SHISA5: variants seen among roughly 807,000 people sequenced by gnomAD.
The protein encoded by SHISA5 is protein shisa-5.
A neutral mutation model predicts 27.5 loss-of-function variants in SHISA5; 21 were observed. That is an observed-to-expected ratio of 0.76 (90% confidence interval 0.54 to 1.10). The LOEUF is 1.10. SHISA5 is among the 50% of genes least tolerant of loss of function. The pLI is 0.00. For synonymous variants in SHISA5, 137 were observed against 142.2 expected (o/e 0.96, Z 0.26); for missense variants, 314 against 336.3 (o/e 0.93, Z 0.52).
chr3:48,476,465 G>T (rs1247873225), intron 3 of SHISA5, among the ~76,000 whole-genome samples: 1 of 152,152 alleles, frequency 6.6e-6, no homozygotes, highest in East Asian at 1.9e-4. Flanking sequence ...CTCCTGGCCT[G>T]GGGTCTTTCC....
chr3:48,478,263 C>T (rs986945926), intron 3 of SHISA5, among the ~76,000 whole-genome samples: 2 of 152,198 alleles, frequency 1.3e-5, no homozygotes, highest in Non-Finnish European at 2.9e-5. Flanking sequence ...TTCTTCCCCT[C>T]CTCCACGCAC....
intron 3 of SHISA5, among the ~76,000 whole-genome samples, chr3:48,475,413 G>T (rs961116797): frequency 1.3e-5 from 2 of 152,150 alleles, no homozygotes; most frequent in African/African-American, 4.8e-5. Context: ...GTTTGGGCAG[G>T]ATTGTAGGGT....
chr3:48,471,914 A>C (rs190474605), intron 3 of SHISA5, among the ~76,000 whole-genome samples: 213 of 152,128 alleles, frequency 1.4e-3, no homozygotes, highest in Non-Finnish European at 2.3e-3. Context: ...AAAATAAAAA[A>C]CTGGCCAGGC....
intron 2 of SHISA5, among the ~76,000 whole-genome samples, chr3:48,489,310 C>T (rs2041349193): frequency 6.6e-6 from 1 of 151,122 alleles, no homozygotes; most frequent in South Asian, 2.1e-4. Flanking sequence ...GACACCCCTG[C>T]TACAGCTATT....
At position 48,469,158 on chromosome 3, in the gene SHISA5, G is replaced by T. The variant is rs1414010753; in HGVS notation, c.672C>A (p.Ser224Arg). The T allele has an allele frequency of 3.7e-6, 6 of 1,612,814 alleles. No homozygotes were observed. The East Asian group carries it at 1.1e-4, about 30-fold the overall frequency. ...TGTAGGCCGGGTTGTAAGGAGGCTG[G>T]CTGGCGGGGTAGGGCGCGGCTGCTC... is the stretch of plus-strand genomic sequence containing the variant. ...AGGAAAPYPA[S>R]QPPYNPAYMD... The change falls in exon 6 of 6, where the codon AGC (serine) becomes AGA (arginine). Residue 224 changes from serine to arginine, a missense_variant. Coordinates refer to ENST00000296444, the MANE Select transcript of SHISA5 (RefSeq NM_016479.6). This position sits in a 1 kb window ranked among gnomAD's most constrained non-coding sequence, Gnocchi z 4.6.
chr3:48,468,817 G>GC lies in SHISA5; in HGVS notation c.*289dup. On this transcript the variant is annotated 3_prime_UTR_variant, in exon 6 of 6. Transcript: ENST00000296444. Reference sequence around the variant, plus strand: ...CCTCTCAGGGGCCACCTCACAGGGTGCCCCCCACCACCCCATTCTTTGAGT... The same window carrying GC: ...CCTCTCAGGGGCCACCTCACAGGGTGCCCCCCCACCACCCCATTCTTTGAGT... 6.8e-7 allele frequency: 1 copy of GC among 1,467,368 alleles called. No homozygotes were observed. The allele number at this position is 1,467,368 out of a possible 1,614,324, so 90.9% of individuals were successfully genotyped here. A position where few individuals can be genotyped will look rare whatever the true frequency, so the allele number is the denominator to read the frequency against.
intron 2 of SHISA5, among the ~76,000 whole-genome samples, chr3:48,480,183 G>A (rs1027600682): frequency 2.0e-5 from 3 of 151,882 alleles, no homozygotes; most frequent in Non-Finnish European, 4.4e-5. Context: ...GATTACAGGC[G>A]TGAGCCACCA....
rs761621407 is a variant in SHISA5 at position 48,469,162 on chromosome 3, G to A, written c.668C>T (p.Ala223Val). ...GGCCGGGTTGTAAGGAGGCTGGCTGGCGGGGTAGGGCGCGGCTGCTCCTCC... is the reference window on the plus strand; with the variant it reads ...GGCCGGGTTGTAAGGAGGCTGGCTGACGGGGTAGGGCGCGGCTGCTCCTCC... ...LAGGAAAPYP[A>V]SQPPYNPAYM... Residue 223 changes from alanine to valine, a missense_variant, in exon 6 of 6, where the codon GCC becomes GTC. By Grantham distance (64) the Ala-to-Val change is moderately conservative. Coordinates refer to ENST00000296444, the MANE Select transcript of SHISA5 (RefSeq NM_016479.6). The surrounding 1 kb of genome is among the most constrained non-coding windows in gnomAD (Gnocchi z 4.6). The A allele has an allele frequency of 1.9e-6, 3 of 1,612,740 alleles. No homozygotes were observed. The highest frequency in any genetic ancestry group is 2.5e-6 in the Non-Finnish European group (3 of 1,179,988).
chr3:48,489,535 G>T (rs6650898), intron 2 of SHISA5, among the ~76,000 whole-genome samples: 40 of 151,546 alleles, frequency 2.6e-4, no homozygotes, highest in African/African-American at 8.7e-4. Flanking sequence ...TGTTAGCCAG[G>T]ATGGTCTCGA....
rs1221774608 is a variant in SHISA5, at chr3:48,494,872, CT to C, written c.233+6264del. On this transcript the variant is annotated intron_variant, in intron 2 of 5. Coordinates refer to ENST00000296444, the MANE Select transcript of SHISA5 (RefSeq NM_016479.6). ...TTTTTTCCATGACAATGATTTATAT[CT>C]GGTCTAGCATGTTGTATACATGAAA... Among the ~76,000 whole-genome samples the C allele has an allele frequency of 2.0e-5, 3 of 147,382 alleles. 1 individual carries two copies. Among genetic ancestry groups the C allele is most frequent in the Non-Finnish European group, 4.4e-5 (3 of 67,886 alleles).
At chr3:48,498,336 T>C (rs2041621527) in intron 2 of SHISA5, among the ~76,000 whole-genome samples, 1 of 152,104 alleles carries the variant, frequency 6.6e-6, no homozygotes, top group African/African-American at 2.4e-5. Flanking sequence ...CTACTCAACA[T>C]TGTAACTGAG....
At chr3:48,483,425 G>C (rs924565253) in intron 2 of SHISA5, among the ~76,000 whole-genome samples, 1 of 152,082 alleles carries the variant, frequency 6.6e-6, no homozygotes, top group Non-Finnish European at 1.5e-5. Context: ...AGATCAACAG[G>C]ATCCCAAGGC....
At chr3:48,476,448 G>A (rs2040828765) in intron 3 of SHISA5, among the ~76,000 whole-genome samples, 1 of 152,154 alleles carries the variant, frequency 6.6e-6, no homozygotes, top group South Asian at 2.1e-4. Flanking sequence ...GCAGAGCTGG[G>A]GTGGGGCTCC....
rs376508492 is a variant in SHISA5, at chr3:48,469,506, C to T, written c.498G>A (p.Pro166=). The T allele has an allele frequency of 3.0e-5, 48 of 1,613,694 alleles. No individual in the cohort carries two copies. The highest frequency in any genetic ancestry group is 2.5e-4 in the South Asian group (23 of 91,034). The stretch of plus-strand genomic sequence containing the variant: ...GGTAGCTTGGTCCAGGGTAGCTGGG[C>T]GGCACACTTGGAGGCTGAGGATAAG... The part of the protein sequence containing the change: ...HAPYPQPPSV[P]PSYPGPSYQG... Residue 166 remains proline (P), a synonymous_variant, in exon 5 of 6, where the codon CCG becomes CCA. Coordinates refer to ENST00000296444, the MANE Select transcript of SHISA5 (RefSeq NM_016479.6). This position sits in a 1 kb window ranked among gnomAD's most constrained non-coding sequence, Gnocchi z 4.6.
At chr3:48,493,373 T>TGAGCTGA (rs2041480374) in intron 2 of SHISA5, among the ~76,000 whole-genome samples, 1 of 146,462 alleles carries the variant, frequency 6.8e-6, no homozygotes, top group Non-Finnish European at 1.5e-5. Flanking sequence ...GAGGCTGCAG[T>TGAGCTGA]GAGCTGAGAC....
chr3:48,481,853 G>A (rs1188677488), intron 2 of SHISA5, among the ~76,000 whole-genome samples: 2 of 151,650 alleles, frequency 1.3e-5, no homozygotes, highest in African/African-American at 4.9e-5. Flanking sequence ...GGATCACAAG[G>A]TCAGGAGATC....
chr3:48,482,915 G>A (rs569889488), intron 2 of SHISA5, among the ~76,000 whole-genome samples: 3 of 151,644 alleles, frequency 2.0e-5, no homozygotes, highest in Admixed American at 6.6e-5. Flanking sequence ...TTACAGGTGT[G>A]AGCCACCGTG....
intron 2 of SHISA5, among the ~76,000 whole-genome samples, chr3:48,482,404 C>T (rs1327688166): frequency 6.6e-6 from 1 of 151,868 alleles, no homozygotes; most frequent in Non-Finnish European, 1.5e-5. Flanking sequence ...GACCCTGTCT[C>T]GAAAACAATA....
chr3:48,481,277 A>G (rs1341380454), intron 2 of SHISA5, among the ~76,000 whole-genome samples: 1 of 151,196 alleles, frequency 6.6e-6, no homozygotes, highest in African/African-American at 2.4e-5. Context: ...TGTCTCTACT[A>G]AAAATACAAA....
Sources: allele counts gnomAD v4.1 joint callset (sites outside exome capture counted in the v4.1 genomes callset), GRCh38; gene constraint gnomAD v4.1.1; non-coding constraint Gnocchi (gnomAD v3.1); transcripts MANE v1.5; gene names NCBI Gene and HGNC (gene_info 2026-07-23, HGNC 2026-07-21).